Variants in COL27A1 observed in about 807,000 individuals in gnomAD.
The protein encoded by COL27A1 is collagen type XXVII alpha 1 chain.
A neutral mutation model predicts 251.3 loss-of-function variants in COL27A1; 106 were observed. The ratio of observed to expected loss-of-function variants is 0.42; its 90% CI spans 0.36 to 0.50. COL27A1 has a LOEUF of 0.50. COL27A1 is among the 20% of genes least tolerant of loss of function. COL27A1 has a pLI of 0.00. For missense variants in COL27A1, 2,325 were observed against 2,522.8 expected, an observed-to-expected ratio of 0.92 and a Z score of 1.68; for synonymous variants, 1,000 against 986.3, an observed-to-expected ratio of 1.01 and a Z score of -0.26.
At chr9:114,165,086 G>A (rs1317113707) in intron 2 of COL27A1, among the ~76,000 whole-genome samples, 1 of 152,214 alleles carries the variant, frequency 6.6e-6, no homozygotes, top group Admixed American at 6.5e-5. Context: ...TGATGAGGAA[G>A]ATGACCATTT....
intron 31 of COL27A1, 48 bp downstream of exon 31, chr9:114,265,158 G>C (rs200235676): frequency 5.7e-5 from 31 of 543,798 alleles, no homozygotes; most frequent in Non-Finnish European, 1.1e-4. Context: ...CTTTTGATGG[G>C]GGTGGGGGGC....
chr9:114,267,579 G>C, intron 34 of COL27A1, 22 bp downstream of exon 34: 10 of 1,593,722 alleles, frequency 6.3e-6, no homozygotes, highest in Non-Finnish European at 8.5e-6. Flanking sequence ...TGAAAGAAGA[G>C]AAAAATGACT....
At chr9:114,240,157 C>A in intron 19 of COL27A1, 63 bp from the exon 20 acceptor site, 1 of 1,420,066 alleles carries the variant, frequency 7.0e-7, no homozygotes, top group Non-Finnish European at 1.0e-6. Context: ...CCCTGCAAGA[C>A]GCATCCCCGT....
At chr9:114,243,887 G>A (rs1038856589) in intron 23 of COL27A1, among the ~76,000 whole-genome samples, 17 of 150,672 alleles carry the variant, frequency 1.1e-4, no homozygotes, top group Non-Finnish European at 2.2e-4. Context: ...TGAGCCTGTG[G>A]CAGGGGCTGG....
chr9:114,165,005 G>T (rs1007370819), intron 2 of COL27A1, among the ~76,000 whole-genome samples: 3 of 152,200 alleles, frequency 2.0e-5, no homozygotes, highest in Non-Finnish European at 4.4e-5. Context: ...TGTCTTACAG[G>T]CAGGGAATTG....
Position 114,283,717 on chromosome 9 carries a change from G to A in COL27A1, c.3888G>A (p.Pro1296=), listed in dbSNP as rs113772516. The A allele has an allele frequency of 0.023, 37,124 of 1,613,894 alleles. 540 individuals carry two copies. The highest frequency in any genetic ancestry group is 0.028 in the Non-Finnish European group (33,616 of 1,179,832). Residue 1296 remains proline (P), a synonymous_variant, in exon 40 of 61, where the codon CCG becomes CCA. Transcript: ENST00000356083. ...SRGSLGPTGA[P]GRMGAQGEPG... is the part of the protein sequence containing the mutation. ...GTCTCCTCCTCTTGTAGGGTGCTCC[G>A]GGACGCATGGGGGCCCAAGGAGAAC... is the stretch of plus-strand genomic sequence containing the variant.
rs566833813 is a variant in COL27A1 at position 114,302,721 on chromosome 9, A to C, written c.4872+613A>C. Among the ~76,000 whole-genome samples the C allele has an allele frequency of 6.3e-5, 6 of 94,902 alleles. No homozygotes were observed. In the East Asian group the frequency reaches 1.1e-3, roughly 17 times the overall value. The allele number at this position is 94,902 out of a possible 152,430, so 62.3% of individuals were successfully genotyped here. On this transcript the variant is annotated intron_variant, in intron 56 of 60. Transcript: ENST00000356083. ...AGACTCTGTCTCAAAAAGAAACAAAAAAAACAAAAAAAAAAAAAAACAAAG... is the reference window on the plus strand; with the variant it reads ...AGACTCTGTCTCAAAAAGAAACAAACAAAACAAAAAAAAAAAAAAACAAAG...
intron 19 of COL27A1, 45 bp downstream of exon 19, chr9:114,237,760 C>G: frequency 6.5e-7 from 1 of 1,545,174 alleles, no homozygotes; most frequent in Non-Finnish European, 8.9e-7. Context: ...TGCTGGGACT[C>G]GGTCTTGTCC....
Position 114,157,878 on chromosome 9 carries a change from T to C in COL27A1, c.62+1866T>C, listed in dbSNP as rs531793253. On this transcript the variant is annotated intron_variant, in intron 1 of 60. Coordinates refer to ENST00000356083, the MANE Select transcript of COL27A1 (RefSeq NM_032888.4). ...CCTAGCTGGCTGGGTTTTGTGAAGA[T>C]GAACAGGACCATGCTTGTAAAGGGC... Among the ~76,000 whole-genome samples, 98 of 152,320 alleles carry C rather than the reference T, an allele frequency of 6.4e-4. 2 individuals are homozygous for C. Among genetic ancestry groups the C allele is most frequent in the Non-Finnish European group, 1.1e-3 (73 of 68,024 alleles).
intron 5 of COL27A1, among the ~76,000 whole-genome samples, chr9:114,191,441 C>T (rs1828739974): frequency 2.0e-5 from 3 of 152,084 alleles, no homozygotes; most frequent in Admixed American, 2.0e-4. Context: ...CACCGACAGG[C>T]CCCAGTGTAT....
intron 7 of COL27A1, among the ~76,000 whole-genome samples, chr9:114,204,152 A>G (rs2567718): frequency 0.65 from 98,785 of 151,944 alleles, 33,294 homozygotes; most frequent in Non-Finnish European, 0.72. Context: ...ATAGCTGAAG[A>G]GGACTCAAGA....
Position 114,167,839 on chromosome 9 carries a change from G to C in COL27A1, c.284G>C (p.Gly95Ala). ...GGCACCGTCATTCCTGCCGCCTTGG[G>C]CACAGAGCTGGCACTGGTGCTGAGC... ...PTGTVIPAAL[G>A]TELALVLSLC... The change falls in exon 3 of 61, where the codon GGC becomes GCC. Residue 95 changes from glycine to alanine, a missense_variant. Around this residue, in one of 4 missense-constraint regions of COL27A1, gnomAD observed 1,183 missense variants for 1,144.1 expected, o/e 1.03. Coordinates refer to ENST00000356083, the MANE Select transcript of COL27A1 (RefSeq NM_032888.4). 5.6e-6 allele frequency: 9 copies of C among 1,613,476 alleles called. No individual in the cohort carries two copies. Among genetic ancestry groups the C allele is most frequent in the Non-Finnish European group, 7.6e-6 (9 of 1,179,986 alleles).
intron 49 of COL27A1, among the ~76,000 whole-genome samples, chr9:114,294,974 T>G (rs1828162409): frequency 6.6e-6 from 1 of 152,138 alleles, no homozygotes; most frequent in Non-Finnish European, 1.5e-5. Flanking sequence ...AATAAGTGAG[T>G]TTAACAAGGT....
intron 4 of COL27A1, among the ~76,000 whole-genome samples, chr9:114,181,638 G>A (rs923411423): frequency 2.6e-5 from 4 of 152,180 alleles, no homozygotes; most frequent in African/African-American, 7.2e-5. Flanking sequence ...AAACCCTCAA[G>A]TATTCCCCGG....
intron 7 of COL27A1, among the ~76,000 whole-genome samples, chr9:114,200,574 G>A (rs1054882297): frequency 2.0e-5 from 3 of 152,188 alleles, no homozygotes; most frequent in South Asian, 2.1e-4. Context: ...AGGCATCCAC[G>A]GAGCAGAGTT....
intron 36 of COL27A1, chr9:114,272,129 C>T (rs1367429624): frequency 2.0e-5 from 3 of 152,242 alleles, no homozygotes; most frequent in Non-Finnish European, 4.4e-5. Flanking sequence ...GCCATGTGCC[C>T]AGTGCCACCC....
intron 4 of COL27A1, among the ~76,000 whole-genome samples, chr9:114,181,973 G>A (rs1001084250): frequency 6.6e-6 from 1 of 152,200 alleles, no homozygotes; most frequent in East Asian, 1.9e-4. Flanking sequence ...GTAGCCACAG[G>A]AGAGGTGCAC....
chr9:114,240,115 C>A, intron 19 of COL27A1, 105 bp from the exon 20 acceptor site: 1 of 1,027,698 alleles, frequency 9.7e-7, no homozygotes, highest in Non-Finnish European at 1.5e-6. Flanking sequence ...GGGTCCCATC[C>A]CAGCAGGATG....
intron 28 of COL27A1, among the ~76,000 whole-genome samples, chr9:114,263,139 A>G (rs1340031081): frequency 6.6e-6 from 1 of 151,936 alleles, no homozygotes; most frequent in Non-Finnish European, 1.5e-5. Flanking sequence ...GGGTTTCACC[A>G]TGTTGGTCAG....
Sources: allele counts gnomAD v4.1 joint callset (sites outside exome capture counted in the v4.1 genomes callset), GRCh38; gene constraint gnomAD v4.1.1; regional missense constraint gnomAD v4.1.1; transcripts MANE v1.5; gene names NCBI Gene and HGNC (gene_info 2026-07-23, HGNC 2026-07-21).